KCTD8: variants seen among roughly 807,000 people sequenced by gnomAD.
KCTD8 encodes the protein potassium channel tetramerization domain containing 8.
KCTD8 carries 27 observed loss-of-function variants against 31.5 expected under a neutral mutation model. The ratio of observed to expected loss-of-function variants is 0.86; its 90% CI spans 0.63 to 1.18. The LOEUF (loss-of-function observed/expected upper bound fraction) is 1.18. KCTD8 is among the 50% of genes most tolerant of loss of function. The pLI, the probability that KCTD8 is intolerant of heterozygous loss-of-function variation, is 0.00. For synonymous variants in KCTD8, 290 were observed against 280.0 expected (o/e 1.04, Z -0.36); for missense variants, 658 against 647.7 (o/e 1.02, Z -0.17).
intron 1 of KCTD8, among the ~76,000 whole-genome samples, chr4:44,411,199 G>T (rs1218828391): frequency 6.6e-6 from 1 of 152,140 alleles, no homozygotes; most frequent in East Asian, 1.9e-4. Context: ...GCCAGGTATA[G>T]TGGCTCATGC....
At chr4:44,360,263 A>G (rs144449512) in intron 1 of KCTD8, among the ~76,000 whole-genome samples, 1,571 of 152,156 alleles carry the variant, frequency 0.01, 21 homozygotes, top group Non-Finnish European at 0.017. Flanking sequence ...CTATAAAATT[A>G]TTTGCTTTAT....
rs1262383444 is a variant in KCTD8, at chr4:44,448,280, C to T, written c.244G>A (p.Gly82Ser). The T allele has an allele frequency of 6.2e-7, 1 of 1,608,570 alleles. No individual in the cohort carries two copies. Among genetic ancestry groups the T allele is most frequent in the African/African-American group, 1.3e-5 (1 of 74,602 alleles). The change falls in exon 1 of 2, where the codon GGC (glycine) becomes AGC (serine). Residue 82 changes from glycine to serine, a missense_variant. Gly to Ser is a moderately conservative substitution (Grantham distance 56, BLOSUM62 0). Transcript: ENST00000360029. The surrounding 1 kb of genome is among the most constrained non-coding windows in gnomAD (Gnocchi z 4.1). ...SMFSPSSPRG[G>S]ARRRGELPRD... is the part of the protein sequence containing the mutation. ...GGCAGCTCGCCCCGGCGCCGGGCGCCGCCACGGGGACTAGAGGGCGAGAAC... is the reference window on the plus strand; with the variant it reads ...GGCAGCTCGCCCCGGCGCCGGGCGCTGCCACGGGGACTAGAGGGCGAGAAC...
At chr4:44,318,934 A>T (rs908010375) in intron 1 of KCTD8, among the ~76,000 whole-genome samples, 5 of 152,350 alleles carry the variant, frequency 3.3e-5, no homozygotes, top group African/African-American at 1.2e-4. Flanking sequence ...AGCAGAAAAG[A>T]ATAGAATCCT....
At position 44,316,360 on chromosome 4, in the gene KCTD8, G is replaced by GT. The variant is rs199534565; in HGVS notation, c.961+131202dup. 2.7e-3 allele frequency among the ~76,000 whole-genome samples: 409 copies of GT among 150,950 alleles called. 4 individuals carry two copies. Among genetic ancestry groups the GT allele is most frequent in the East Asian group, 0.016 (83 of 5,130 alleles). ...TTATTGTTAAGGTTTCTTTTGTTTT[G>GT]TTTTTTTTGTTCTCTGCATTATCTC... On this transcript the variant is annotated intron_variant, in intron 1 of 1. Coordinates refer to ENST00000360029, the MANE Select transcript of KCTD8 (RefSeq NM_198353.3).
intron 1 of KCTD8, among the ~76,000 whole-genome samples, chr4:44,405,393 G>C (rs1172149219): frequency 6.6e-6 from 1 of 152,076 alleles, no homozygotes. Context: ...AAGTAGCTTG[G>C]ACTGCAGGCA....
At chr4:44,197,840 A>G (rs545217089) in intron 1 of KCTD8, among the ~76,000 whole-genome samples, 16 of 152,326 alleles carry the variant, frequency 1.1e-4, no homozygotes, top group African/African-American at 3.1e-4. Context: ...ACAGACACAG[A>G]ATTCAGAATC....
At chr4:44,277,259 G>T (rs958107584) in intron 1 of KCTD8, among the ~76,000 whole-genome samples, 1 of 151,532 alleles carries the variant, frequency 6.6e-6, no homozygotes, top group Non-Finnish European at 1.5e-5. Context: ...CAAATAAAAA[G>T]AAAAATACCT....
intron 1 of KCTD8, among the ~76,000 whole-genome samples, chr4:44,238,816 ACATAGTAG>A (rs1236411146): frequency 6.6e-6 from 1 of 152,224 alleles, no homozygotes; most frequent in Non-Finnish European, 1.5e-5. Context: ...ACAGGAATTA[ACATAGTAG>A]CATTATTATA....
chr4:44,361,686 T>C (rs13132322), intron 1 of KCTD8, among the ~76,000 whole-genome samples: 46,766 of 151,974 alleles, frequency 0.31, 7,922 homozygotes, highest in Non-Finnish European at 0.39. Flanking sequence ...ATTTTGCCAA[T>C]TTTTAATGAT....
chr4:44,281,524 T>G (rs1716905708), intron 1 of KCTD8, among the ~76,000 whole-genome samples: 1 of 152,178 alleles, frequency 6.6e-6, no homozygotes, highest in Admixed American at 6.6e-5. Context: ...TACTGGGGTC[T>G]GACTGATAAG....
intron 1 of KCTD8, among the ~76,000 whole-genome samples, chr4:44,304,334 A>C (rs529848779): frequency 6.6e-6 from 1 of 152,298 alleles, no homozygotes; most frequent in South Asian, 2.1e-4. Context: ...AAAAAATGCA[A>C]TAAGGAGAAT....
intron 1 of KCTD8, among the ~76,000 whole-genome samples, chr4:44,196,228 T>C (rs187363623): frequency 4.6e-5 from 7 of 152,312 alleles, no homozygotes; most frequent in East Asian, 3.9e-4. Context: ...AAGAGAAAGA[T>C]AGAGAAATCC....
At chr4:44,432,665 A>T (rs1721533836) in intron 1 of KCTD8, among the ~76,000 whole-genome samples, 1 of 151,604 alleles carries the variant, frequency 6.6e-6, no homozygotes, top group South Asian at 2.1e-4. Context: ...TCTTCATAAC[A>T]CCCACACTAA....
intron 1 of KCTD8, among the ~76,000 whole-genome samples, chr4:44,434,613 A>G (rs749269280): frequency 2.6e-5 from 4 of 151,960 alleles, no homozygotes; most frequent in African/African-American, 4.8e-5. Flanking sequence ...TGCCAGACAT[A>G]GTGTGAGGCT....
chr4:44,218,124 C>CTT lies in KCTD8; in HGVS notation c.962-42876_962-42875dup, dbSNP rs570521203. 1.0e-3 allele frequency among the ~76,000 whole-genome samples: 94 copies of CTT among 91,534 alleles called. 3 individuals carry two copies. The highest frequency in any genetic ancestry group is 2.5e-3 in the African/African-American group (49 of 19,682). 60.0% of individuals were successfully genotyped at this position (91,534 alleles called of 152,430 possible). On this transcript the variant is annotated intron_variant, in intron 1 of 1. Coordinates refer to ENST00000360029, the MANE Select transcript of KCTD8 (RefSeq NM_198353.3). ...GTAACACTGTACATTTTAAAATGTCCTTTTTTTTTTTTTTTTTTTTTTTTT... is the reference window on the plus strand; with the variant it reads ...GTAACACTGTACATTTTAAAATGTCCTTTTTTTTTTTTTTTTTTTTTTTTTTT...
chr4:44,430,428 TTAGAG>T (rs1042873106), intron 1 of KCTD8, among the ~76,000 whole-genome samples: 2 of 151,736 alleles, frequency 1.3e-5, no homozygotes, highest in African/African-American at 2.4e-5. Context: ...GAAAGTTATA[TTAGAG>T]TAATTACACA....
intron 1 of KCTD8, among the ~76,000 whole-genome samples, chr4:44,182,095 G>A (rs944907390): frequency 4.6e-5 from 7 of 152,030 alleles, no homozygotes; most frequent in East Asian, 3.9e-4. Context: ...CCCTCCGCCC[G>A]ACAGCCGCCC....
At chr4:44,356,005 C>T (rs558649608) in intron 1 of KCTD8, among the ~76,000 whole-genome samples, 2 of 152,188 alleles carry the variant, frequency 1.3e-5, no homozygotes, top group South Asian at 2.1e-4. Flanking sequence ...ACTTAGAATA[C>T]GGTTGTACAA....
At chr4:44,446,950 C>T (rs2109488806) in intron 1 of KCTD8, among the ~76,000 whole-genome samples, 1 of 152,300 alleles carries the variant, frequency 6.6e-6, no homozygotes, top group East Asian at 1.9e-4. Context: ...TCAAGGAGTC[C>T]CCTTTCCCCA....
Sources: allele counts gnomAD v4.1 joint callset (sites outside exome capture counted in the v4.1 genomes callset), GRCh38; gene constraint gnomAD v4.1.1; non-coding constraint Gnocchi (gnomAD v3.1); transcripts MANE v1.5; gene names NCBI Gene and HGNC (gene_info 2026-07-23, HGNC 2026-07-21).